Variants in PRR16 observed in about 807,000 individuals in gnomAD.
The protein encoded by PRR16 is proline rich 16.
A neutral mutation model predicts 18.2 loss-of-function variants in PRR16; 6 were observed. The observed-to-expected ratio is 0.33, with a 90% CI of 0.18 to 0.65. The LOEUF (loss-of-function observed/expected upper bound fraction) is 0.65, where lower values mean the gene tolerates loss of function less well. Among genes scored for constraint, PRR16 ranks in the 30% least tolerant of loss-of-function variants. The pLI, the probability that PRR16 is intolerant of heterozygous loss-of-function variation, is 0.74. For missense variants in PRR16, 412 were observed against 376.6 expected (o/e 1.09, Z -0.78); for synonymous variants, 151 against 147.8 (o/e 1.02, Z -0.16).
At chr5:120,644,274 A>C (rs1180883735) in intron 1 of PRR16, among the ~76,000 whole-genome samples, 1 of 152,092 alleles carries the variant, frequency 6.6e-6, no homozygotes, top group Non-Finnish European at 1.5e-5. Context: ...TATTATTTTT[A>C]TTATTTAACT....
At chr5:120,512,199 T>G (rs1013855492) in intron 1 of PRR16, among the ~76,000 whole-genome samples, 1 of 94,264 alleles carries the variant, frequency 1.1e-5, no homozygotes, top group Admixed American at 9.4e-5. Context: ...GATACAGAGA[T>G]AGCATTCAAG....
chr5:120,518,361 A>T (rs1186036939), intron 1 of PRR16, among the ~76,000 whole-genome samples: 1 of 152,054 alleles, frequency 6.6e-6, no homozygotes, highest in Admixed American at 6.6e-5. Context: ...TCTGTAGGAG[A>T]CAAATTATGA....
chr5:120,782,382 C>T, the PRR16 span, among the ~76,000 whole-genome samples: 440 of 152,306 alleles, frequency 2.9e-3, no homozygotes, highest in Non-Finnish European at 4.4e-3. Flanking sequence ...TTAAGGTCTA[C>T]AGTCACCATC....
At chr5:120,634,386 G>T (rs150954324) in intron 1 of PRR16, among the ~76,000 whole-genome samples, 1 of 152,168 alleles carries the variant, frequency 6.6e-6, no homozygotes, top group African/African-American at 2.4e-5. Flanking sequence ...GTTCATGCTG[G>T]TAATCCCAGC....
chr5:120,624,577 C>T (rs1754799598), intron 1 of PRR16, among the ~76,000 whole-genome samples: 1 of 152,164 alleles, frequency 6.6e-6, no homozygotes, highest in African/African-American at 2.4e-5. Context: ...GATCAAATTA[C>T]TCAACATCTC....
the PRR16 span, among the ~76,000 whole-genome samples, chr5:120,787,611 T>C: frequency 6.6e-6 from 1 of 152,152 alleles, no homozygotes; most frequent in South Asian, 2.1e-4. Flanking sequence ...CTTGAATGCA[T>C]GGTAATTGAA....
chr5:120,566,330 C>G (rs1053864358), intron 1 of PRR16, among the ~76,000 whole-genome samples: 1 of 152,166 alleles, frequency 6.6e-6, no homozygotes, highest in African/African-American at 2.4e-5. Context: ...ATGAAGAACC[C>G]AGTCTGTGGT....
intron 1 of PRR16, among the ~76,000 whole-genome samples, chr5:120,661,902 T>C (rs912719618): frequency 2.6e-5 from 4 of 152,150 alleles, no homozygotes; most frequent in African/African-American, 4.8e-5. Context: ...TGTTTATCCT[T>C]AGACCTAAGA....
the PRR16 span, among the ~76,000 whole-genome samples, chr5:120,772,019 G>T: frequency 6.6e-6 from 1 of 151,896 alleles, no homozygotes; most frequent in African/African-American, 2.4e-5. Flanking sequence ...CTTTCTTTAA[G>T]CTGTTCTTAT....
chr5:120,619,144 C>G (rs1754606391), intron 1 of PRR16, among the ~76,000 whole-genome samples: 1 of 152,096 alleles, frequency 6.6e-6, no homozygotes, highest in African/African-American at 2.4e-5. Context: ...AAGCAATCCT[C>G]TGTACATATT....
intron 1 of PRR16, among the ~76,000 whole-genome samples, chr5:120,529,896 A>AATAC (rs1751488713): frequency 6.6e-6 from 1 of 152,072 alleles, no homozygotes; most frequent in East Asian, 1.9e-4. Context: ...TAGTAAACAC[A>AATAC]ATACAGCAGG....
chr5:120,652,412 A>C (rs1755823313), intron 1 of PRR16, among the ~76,000 whole-genome samples: 1 of 152,086 alleles, frequency 6.6e-6, no homozygotes, highest in African/African-American at 2.4e-5. Context: ...AAGATAGAGG[A>C]AAAATAAGAG....
At chr5:120,588,390 C>T (rs888530180) in intron 1 of PRR16, among the ~76,000 whole-genome samples, 4 of 152,116 alleles carry the variant, frequency 2.6e-5, no homozygotes, top group African/African-American at 4.8e-5. Context: ...ATTCACGTGG[C>T]AAATTTTAGT....
intron 1 of PRR16, among the ~76,000 whole-genome samples, chr5:120,662,075 G>C (rs962750098): frequency 1.3e-5 from 2 of 151,958 alleles, no homozygotes; most frequent in African/African-American, 4.8e-5. Flanking sequence ...AGCTAGGGTT[G>C]GTTCTTCACT....
At chr5:120,630,128 A>C (rs1330407498) in intron 1 of PRR16, among the ~76,000 whole-genome samples, 1 of 151,586 alleles carries the variant, frequency 6.6e-6, no homozygotes, top group Non-Finnish European at 1.5e-5. Context: ...TCTTACTTTT[A>C]TTCTTTCTCA....
chr5:120,748,442 T>C, the PRR16 span, among the ~76,000 whole-genome samples: 2 of 152,098 alleles, frequency 1.3e-5, no homozygotes, highest in South Asian at 4.1e-4. Context: ...ACATTTTATA[T>C]GTGTGTAGTA....
At chr5:120,530,289 T>TTATG (rs1751510017) in intron 1 of PRR16, among the ~76,000 whole-genome samples, 2 of 121,044 alleles carry the variant, frequency 1.7e-5, no homozygotes, top group Non-Finnish European at 3.3e-5. Context: ...ATATATTTAT[T>TTATG]TATTTATTTA....
intron 1 of PRR16, among the ~76,000 whole-genome samples, chr5:120,580,236 T>A (rs1245732159): frequency 6.6e-6 from 1 of 152,160 alleles, no homozygotes; most frequent in Non-Finnish European, 1.5e-5. Flanking sequence ...TTCTCTTTCC[T>A]GATTGCTCTG....
chr5:120,626,545 G>A (rs1437653326), intron 1 of PRR16, among the ~76,000 whole-genome samples: 1 of 152,092 alleles, frequency 6.6e-6, no homozygotes, highest in Non-Finnish European at 1.5e-5. Flanking sequence ...GCACAAACCT[G>A]TAGATTTACT....
Sources: allele counts gnomAD v4.1 joint callset (sites outside exome capture counted in the v4.1 genomes callset), GRCh38; gene constraint gnomAD v4.1.1; transcripts MANE v1.5; gene names NCBI Gene and HGNC (gene_info 2026-07-23, HGNC 2026-07-21).